GCNT1: variants seen among roughly 807,000 people sequenced by gnomAD.
GCNT1 encodes glucosaminyl (N-acetyl) transferase 1, also known as beta-1,3-galactosyl-O-glycosyl-glycoprotein beta-1,6-N-acetylglucosaminyltransferase.
A neutral mutation model predicts 26.2 loss-of-function variants in GCNT1; 16 were observed. The observed-to-expected ratio is 0.61, with a 90% CI of 0.41 to 0.93. The LOEUF (loss-of-function observed/expected upper bound fraction) is 0.93. Among genes scored for constraint, GCNT1 ranks in the 40% least tolerant of loss-of-function variants. The probability of loss-of-function intolerance (pLI) is 0.00; values close to 1 mark genes in which losing one functional copy is unlikely to be tolerated. For missense variants in GCNT1, 477 were observed against 526.7 expected (o/e 0.91, Z 0.92); for synonymous variants, 183 against 190.8 (o/e 0.96, Z 0.34).
chr9:76,493,225 T>A (rs977812018), intron 2 of GCNT1, among the ~76,000 whole-genome samples: 1 of 151,888 alleles, frequency 6.6e-6, no homozygotes, highest in African/African-American at 2.4e-5. Flanking sequence ...TGAGTTGAGG[T>A]CCCAGTGGGA....
intron 1 of GCNT1, among the ~76,000 whole-genome samples, chr9:76,446,136 A>G (rs1823574114): frequency 6.6e-6 from 1 of 152,204 alleles, no homozygotes; most frequent in Non-Finnish European, 1.5e-5. Context: ...AGGAAGCTTA[A>G]GGCCTGGGAG....
At chr9:76,483,404 T>TG (rs560759115) in intron 2 of GCNT1, among the ~76,000 whole-genome samples, 1 of 66,402 alleles carries the variant, frequency 1.5e-5, no homozygotes, top group Non-Finnish European at 3.6e-5. Flanking sequence ...TAAGGAGGGG[T>TG]TTTTTTTTTA....
chr9:76,496,613 T>C (rs1341720823), intron 2 of GCNT1, among the ~76,000 whole-genome samples: 1 of 152,214 alleles, frequency 6.6e-6, no homozygotes, highest in African/African-American at 2.4e-5. Flanking sequence ...TTAGTGACCA[T>C]ATCGTCACCT....
the GCNT1 span, among the ~76,000 whole-genome samples, chr9:76,401,027 A>G: frequency 2.0e-5 from 3 of 152,224 alleles, no homozygotes; most frequent in South Asian, 6.2e-4. Flanking sequence ...GACTTAATGC[A>G]TGTGAAGTAA....
chr9:76,471,524 C>T (rs1824131476), intron 2 of GCNT1, among the ~76,000 whole-genome samples: 1 of 152,098 alleles, frequency 6.6e-6, no homozygotes, highest in African/African-American at 2.4e-5. Flanking sequence ...AAGTGTTTTT[C>T]AAGTCAGAAA....
chr9:76,439,628 C>G (rs192553533), upstream of GCNT1, among the ~76,000 whole-genome samples: 2 of 152,288 alleles, frequency 1.3e-5, no homozygotes, highest in Admixed American at 6.5e-5. Flanking sequence ...AAGCTGTGTG[C>G]GTCTTTCTTC....
chr9:76,495,662 T>C (rs1424087199), intron 2 of GCNT1, among the ~76,000 whole-genome samples: 1 of 152,098 alleles, frequency 6.6e-6, no homozygotes, highest in Non-Finnish European at 1.5e-5. Context: ...CACTGATTGG[T>C]GCATTTACAA....
At chr9:76,411,977 C>T in the GCNT1 span, among the ~76,000 whole-genome samples, 1 of 152,136 alleles carries the variant, frequency 6.6e-6, no homozygotes, top group East Asian at 1.9e-4. Flanking sequence ...GCTGGGATTA[C>T]AGGCATGAGC....
intron 1 of GCNT1, among the ~76,000 whole-genome samples, chr9:76,422,289 G>A (rs889709827): frequency 3.3e-5 from 5 of 151,998 alleles, no homozygotes; most frequent in African/African-American, 4.8e-5. Flanking sequence ...AGATGGTCTC[G>A]AACTCCTGAG....
At chr9:76,431,910 A>C (rs1823342736) in intron 1 of GCNT1, among the ~76,000 whole-genome samples, 2 of 152,182 alleles carry the variant, frequency 1.3e-5, no homozygotes, top group Non-Finnish European at 2.9e-5. Flanking sequence ...GGAGTTTGAG[A>C]CCAGCCTGGC....
At chr9:76,456,022 T>C (rs768058750), upstream of GCNT1, among the ~76,000 whole-genome samples, 14 of 152,238 alleles carry the variant, frequency 9.2e-5, no homozygotes, top group Non-Finnish European at 1.9e-4. Context: ...TTCCCACATC[T>C]ATAATATTAG....
the GCNT1 span, chr9:76,399,287 G>T: frequency 1.4e-6 from 2 of 1,416,222 alleles, no homozygotes; most frequent in Non-Finnish European, 9.9e-7. Context: ...CCCGTGGGAG[G>T]TCATGCCTGA....
At chr9:76,454,727 C>G (rs1273129167), upstream of GCNT1, among the ~76,000 whole-genome samples, 2 of 152,044 alleles carry the variant, frequency 1.3e-5, no homozygotes, top group Admixed American at 1.3e-4. Context: ...CTTGCTTGCT[C>G]TCTCTCATCT....
chr9:76,475,073 G>T (rs191868961), intron 2 of GCNT1, among the ~76,000 whole-genome samples: 1 of 152,120 alleles, frequency 6.6e-6, no homozygotes, highest in Non-Finnish European at 1.5e-5. Context: ...CACCACGCCC[G>T]GCTTTCTCTG....
intron 1 of GCNT1, among the ~76,000 whole-genome samples, chr9:76,447,783 T>TA (rs1823601542): frequency 1.3e-5 from 2 of 152,304 alleles, no homozygotes; most frequent in African/African-American, 4.8e-5. Flanking sequence ...GTGCTCAGCT[T>TA]TAAAAAAACT....
At position 76,506,794 on chromosome 9, in the gene GCNT1, CAT is replaced by C. The variant is rs1363102537; in HGVS notation, c.*3128_*3129del. On this transcript the variant is annotated 3_prime_UTR_variant, in exon 4 of 4. Coordinates refer to ENST00000376730, the MANE Select transcript of GCNT1 (RefSeq NM_001490.5). ...TATTAAGTACAGTTCACTTAAATAACATAAGTAGATTTTCTCTTGTAGTGATT... is the reference window on the plus strand; with the variant it reads ...TATTAAGTACAGTTCACTTAAATAACAAGTAGATTTTCTCTTGTAGTGATT... 1.2e-5 allele frequency: 2 copies of C among 166,944 alleles called. No individual in the cohort carries two copies. The highest frequency in any genetic ancestry group is 2.4e-5 in the African/African-American group (1 of 41,428). The allele number at this position is 166,944 out of a possible 1,614,324, so 10.3% of individuals were successfully genotyped here. A position where few individuals can be genotyped will look rare whatever the true frequency, so the allele number is the denominator to read the frequency against.
At chr9:76,408,139 T>C in the GCNT1 span, among the ~76,000 whole-genome samples, 1 of 152,240 alleles carries the variant, frequency 6.6e-6, no homozygotes, top group Admixed American at 6.5e-5. Flanking sequence ...CTTTCCTTAC[T>C]GCATTAGTTA....
chr9:76,400,186 A>G, the GCNT1 span, among the ~76,000 whole-genome samples: 9 of 152,236 alleles, frequency 5.9e-5, no homozygotes, highest in African/African-American at 2.2e-4. Context: ...ATCAAAACCC[A>G]TAGAACTATA....
upstream of GCNT1, among the ~76,000 whole-genome samples, chr9:76,438,035 A>G (rs531999142): frequency 1.6e-4 from 24 of 152,350 alleles, no homozygotes; most frequent in African/African-American, 5.5e-4. Flanking sequence ...AGAACAAATA[A>G]AATTTTTGTC....
Sources: allele counts gnomAD v4.1 joint callset (sites outside exome capture counted in the v4.1 genomes callset), GRCh38; gene constraint gnomAD v4.1.1; transcripts MANE v1.5; gene names NCBI Gene and HGNC (gene_info 2026-07-23, HGNC 2026-07-21).